KIAA1549: variants seen among roughly 807,000 people sequenced by gnomAD.
KIAA1549 encodes the protein KIAA1549.
A neutral mutation model predicts 156.4 loss-of-function variants in KIAA1549; 70 were observed. The ratio of observed to expected loss-of-function variants is 0.45; its 90% CI spans 0.37 to 0.55. The LOEUF is 0.55. Ranked by LOEUF, KIAA1549 falls within the 20% of genes least tolerant of loss-of-function variation. KIAA1549 has a pLI of 0.00. For missense variants in KIAA1549, 2,428 were observed against 2,540.9 expected (o/e 0.96, Z 0.96); for synonymous variants, 1,103 against 1,066.4 (o/e 1.03, Z -0.67).
intron 4 of KIAA1549, 68 bp from the exon 5 acceptor site, chr7:138,909,189 G>A (rs1812098948): frequency 2.0e-6 from 3 of 1,507,682 alleles, no homozygotes; most frequent in Admixed American, 1.9e-5. Context: ...AAGGAATCAA[G>A]AGAGAGAAAC....
intron 1 of KIAA1549, among the ~76,000 whole-genome samples, chr7:138,966,893 A>G (rs1246152916): frequency 6.6e-6 from 1 of 152,154 alleles, no homozygotes; most frequent in Non-Finnish European, 1.5e-5. Context: ...CTTGGACTCC[A>G]GAACTATGAG....
Position 138,863,743 on chromosome 7 carries a change from C to T in KIAA1549, c.4930-2287G>A, listed in dbSNP as rs555335583. Among the ~76,000 whole-genome samples the T allele has an allele frequency of 1.4e-4, 22 of 152,276 alleles. No homozygotes were observed. In the South Asian group the frequency reaches 1.5e-3, roughly 10 times the overall value. On this transcript the variant is annotated intron_variant, in intron 15 of 19. Transcript: ENST00000422774. ...GATGGGGTAGGTGCTCTTCTCTCCA[C>T]GGCAGTCCCCACTGGCGACCTCCCT...
At chr7:138,838,309 T>G (rs915281280) in intron 19 of KIAA1549, 149 bp from the exon 20 acceptor site, 6 of 807,266 alleles carry the variant, frequency 7.4e-6, no homozygotes, top group Non-Finnish European at 1.1e-5. Context: ...ATGCTGCAGG[T>G]GAGGCGTGAA....
At chr7:138,945,032 A>C (rs966081516) in intron 1 of KIAA1549, among the ~76,000 whole-genome samples, 1 of 152,246 alleles carries the variant, frequency 6.6e-6, no homozygotes, top group Non-Finnish European at 1.5e-5. Flanking sequence ...TTACCAAAAA[A>C]TAACTTAAGG....
intron 4 of KIAA1549, 56 bp downstream of exon 4, chr7:138,911,090 A>T (rs1584749258): frequency 2.6e-5 from 24 of 939,420 alleles, no homozygotes; most frequent in African/African-American, 1.9e-4. Context: ...TTAGAAAGAT[A>T]AAAAAAAAAT....
chr7:138,968,945 T>C (rs1479258995), intron 1 of KIAA1549, among the ~76,000 whole-genome samples: 1 of 152,144 alleles, frequency 6.6e-6, no homozygotes, highest in Non-Finnish European at 1.5e-5. Context: ...TTAACTTTAT[T>C]TTAGGTTTGG....
chr7:138,861,902 T>C (rs532315751), intron 15 of KIAA1549, among the ~76,000 whole-genome samples: 1 of 151,968 alleles, frequency 6.6e-6, no homozygotes, highest in Non-Finnish European at 1.5e-5. Flanking sequence ...CTGAGGAATG[T>C]GCGTTACATT....
intron 8 of KIAA1549, among the ~76,000 whole-genome samples, chr7:138,901,481 A>T (rs555698279): frequency 1.3e-5 from 2 of 152,046 alleles, no homozygotes; most frequent in East Asian, 3.9e-4. Flanking sequence ...ACACACCACC[A>T]TGCCCAGATA....
At chr7:138,962,941 A>G (rs763379109) in intron 1 of KIAA1549, among the ~76,000 whole-genome samples, 102 of 152,324 alleles carry the variant, frequency 6.7e-4, no homozygotes, top group Admixed American at 2.6e-3. Context: ...CCCTCTTTGT[A>G]TCACCACCGC....
At position 138,916,758 on chromosome 7, in the gene KIAA1549, C is replaced by A; in HGVS notation, c.2868G>T (p.Leu956=). The A allele has an allele frequency of 6.2e-7, 1 of 1,613,824 alleles. No homozygotes were observed. Among genetic ancestry groups the A allele is most frequent in the South Asian group, 1.1e-5 (1 of 90,996 alleles). Residue 956 remains leucine, a synonymous_variant, in exon 2 of 20, where the codon CTG becomes CTT. Transcript: ENST00000422774. ...GAAGCTGGGCCTTACCAGTTGTGAT[C>A]AGATAGGCATCGGGGACTGTGATAT... is the stretch of plus-strand genomic sequence containing the variant. ...VCDITVPDAY[L]ITTVLARRAV...
intron 16 of KIAA1549, among the ~76,000 whole-genome samples, chr7:138,852,495 T>C (rs1810263643): frequency 6.6e-6 from 1 of 152,244 alleles, no homozygotes; most frequent in African/African-American, 2.4e-5. Flanking sequence ...TTTCTAGATC[T>C]TTCCTTCTTT....
chr7:138,861,543 A>G (rs1810579111), intron 15 of KIAA1549, 87 bp from the exon 16 acceptor site: 1 of 1,064,698 alleles, frequency 9.4e-7, no homozygotes, highest in Non-Finnish European at 1.4e-6. Flanking sequence ...GAAAAGTTCT[A>G]TCATAAGAAT....
chr7:138,853,479 A>C (rs1290474039), intron 16 of KIAA1549, among the ~76,000 whole-genome samples: 1 of 152,196 alleles, frequency 6.6e-6, no homozygotes. Flanking sequence ...CCTGTGAACA[A>C]ATATCTATTT....
intron 15 of KIAA1549, among the ~76,000 whole-genome samples, chr7:138,866,192 G>A (rs771412024): frequency 1.3e-5 from 2 of 152,090 alleles, no homozygotes; most frequent in African/African-American, 2.4e-5. Context: ...CTCTGAAATC[G>A]CACTGATCCC....
intron 12 of KIAA1549, among the ~76,000 whole-genome samples, chr7:138,879,132 C>G (rs1186857792): frequency 6.6e-6 from 1 of 152,226 alleles, no homozygotes; most frequent in African/African-American, 2.4e-5. Flanking sequence ...CAGAACTTAA[C>G]ATAATTGACT....
chr7:138,974,612 G>A (rs907440083), intron 1 of KIAA1549, among the ~76,000 whole-genome samples: 1 of 151,586 alleles, frequency 6.6e-6, no homozygotes, highest in Non-Finnish European at 1.5e-5. Context: ...TAGTAGAGAC[G>A]AGGTTTCACT....
At chr7:138,886,723 T>A (rs1811400858) in intron 10 of KIAA1549, among the ~76,000 whole-genome samples, 1 of 152,094 alleles carries the variant, frequency 6.6e-6, no homozygotes, top group Admixed American at 6.5e-5. Context: ...TGACTTCCTG[T>A]TTTCTGATTA....
rs78370069 is a variant in KIAA1549 at position 138,958,305 on chromosome 7, G to A, written c.187+22778C>T. 3.7e-3 allele frequency among the ~76,000 whole-genome samples: 559 copies of A among 152,262 alleles called. 3 individuals are homozygous for A. The highest frequency in any genetic ancestry group is 6.4e-3 in the Non-Finnish European group (433 of 68,010). Reference sequence around the variant, plus strand: ...GGATCTAGGTGCCACCATCACCCACGATGCTCATTCTCTCCTGACCAAGGG... The same window carrying A: ...GGATCTAGGTGCCACCATCACCCACAATGCTCATTCTCTCCTGACCAAGGG... On this transcript the variant is annotated intron_variant, in intron 1 of 19. Coordinates refer to ENST00000422774, the MANE Select transcript of KIAA1549 (RefSeq NM_001164665.2).
rs751457734 is a variant in KIAA1549 at position 138,837,608 on chromosome 7, G to A, written c.*298C>T. 1.7e-5 allele frequency: 9 copies of A among 530,920 alleles called. No homozygotes were observed. The highest frequency in any genetic ancestry group is 9.0e-5 in the East Asian group (3 of 33,488). The allele number at this position is 530,920 out of a possible 1,614,324, so 32.9% of individuals were successfully genotyped here. The stretch of plus-strand genomic sequence containing the variant: ...TAATCTCTACCTTTAAAAAAGAGAC[G>A]AATGCAGTCATTTTGTTAGCTTAGG... On this transcript the variant is annotated 3_prime_UTR_variant, in exon 20 of 20. Transcript: ENST00000422774.
Sources: allele counts gnomAD v4.1 joint callset (sites outside exome capture counted in the v4.1 genomes callset), GRCh38; gene constraint gnomAD v4.1.1; transcripts MANE v1.5; gene names NCBI Gene and HGNC (gene_info 2026-07-23, HGNC 2026-07-21).